Variants in MYRIP observed in about 807,000 individuals in gnomAD.
The protein encoded by MYRIP is myosin VIIA and Rab interacting protein, also known as rab effector MyRIP.
Under a neutral mutation model 98.0 loss-of-function variants are expected in MYRIP, and 49 were observed. The observed-to-expected ratio is 0.50, with a 90% CI of 0.40 to 0.63. The LOEUF is 0.63. Among genes scored for constraint, MYRIP ranks in the 30% least tolerant of loss-of-function variants. MYRIP has a pLI of 0.00. For synonymous variants in MYRIP, 404 were observed against 409.5 expected (o/e 0.99, Z 0.16); for missense variants, 1,004 against 1,058.2 (o/e 0.95, Z 0.71).
Position 40,085,732 on chromosome 3 carries a change from G to T in MYRIP, c.332+41461G>T, listed in dbSNP as rs548962512. On this transcript the variant is annotated intron_variant, in intron 3 of 16. Coordinates refer to ENST00000302541, the MANE Select transcript of MYRIP (RefSeq NM_015460.4). ...TCGAAAAAGCTTATAGTGTCCTCAAGAAGGAAGAAGAAAGGAAGGAAGGAA... is the reference window on the plus strand; with the variant it reads ...TCGAAAAAGCTTATAGTGTCCTCAATAAGGAAGAAGAAAGGAAGGAAGGAA... 1.9e-3 allele frequency among the ~76,000 whole-genome samples: 293 copies of T among 152,266 alleles called. 1 individual carries two copies. Among genetic ancestry groups the T allele is most frequent in the African/African-American group, 6.8e-3 (281 of 41,552 alleles).
In MYRIP at chr3:40,190,115, C is replaced by T; in HGVS notation, c.1317C>T (p.Ser439=). The stretch of plus-strand genomic sequence containing the variant: ...CTGACCAAGGCCCCATAGCTGCCTC[C>T]CCATCCTCTGCACTCTCCCCCAACC... The part of the protein sequence containing the change: ...QSSDQGPIAA[S]PSSALSPNPE... Residue 439 remains serine (S), a synonymous_variant, in exon 10 of 17, where the codon TCC becomes TCT. Coordinates refer to ENST00000302541, the MANE Select transcript of MYRIP (RefSeq NM_015460.4). 6.2e-7 allele frequency: 1 copy of T among 1,614,050 alleles called. No homozygotes were observed. Among genetic ancestry groups the T allele is most frequent in the Non-Finnish European group, 8.5e-7 (1 of 1,179,976 alleles).
At chr3:40,169,872 A>C (rs1408752434) in intron 7 of MYRIP, 78 bp from the exon 8 acceptor site, 2 of 1,579,090 alleles carry the variant, frequency 1.3e-6, no homozygotes, top group Non-Finnish European at 1.7e-6. Flanking sequence ...AAAAATTCCA[A>C]AGATGGTCCC....
intron 3 of MYRIP, among the ~76,000 whole-genome samples, chr3:40,083,950 A>G (rs1216474172): frequency 6.6e-6 from 1 of 151,944 alleles, no homozygotes; most frequent in Non-Finnish European, 1.5e-5. Context: ...ATCCTGGCTA[A>G]CACAGTGAAA....
At chr3:39,935,260 G>A (rs1944632348) in intron 2 of MYRIP, among the ~76,000 whole-genome samples, 1 of 152,154 alleles carries the variant, frequency 6.6e-6, no homozygotes, top group Admixed American at 6.5e-5. Context: ...AAGTGTGGGT[G>A]TGTTCAGGTG....
chr3:40,022,819 T>C (rs1368589071), intron 2 of MYRIP, among the ~76,000 whole-genome samples: 1 of 152,136 alleles, frequency 6.6e-6, no homozygotes, highest in African/African-American at 2.4e-5. Context: ...TTATGCTCTT[T>C]AGGAAAAAAT....
At chr3:39,812,437 T>C (rs1940727517) in intron 1 of MYRIP, among the ~76,000 whole-genome samples, 1 of 152,204 alleles carries the variant, frequency 6.6e-6, no homozygotes, top group Admixed American at 6.5e-5. Flanking sequence ...GACTTGGTTG[T>C]CCCACCACAC....
intron 3 of MYRIP, among the ~76,000 whole-genome samples, chr3:40,129,724 G>T (rs1170247023): frequency 6.6e-6 from 1 of 152,164 alleles, no homozygotes. Flanking sequence ...GTGTTGGGGA[G>T]GAAGGCCTGG....
intron 2 of MYRIP, among the ~76,000 whole-genome samples, chr3:39,983,379 T>A (rs1019377501): frequency 1.3e-5 from 2 of 152,240 alleles, no homozygotes; most frequent in Non-Finnish European, 2.9e-5. Flanking sequence ...ATTTGCTGTA[T>A]ACCATAATTT....
intron 3 of MYRIP, among the ~76,000 whole-genome samples, chr3:40,097,412 A>C (rs952382031): frequency 6.6e-5 from 10 of 152,138 alleles, no homozygotes; most frequent in Non-Finnish European, 1.2e-4. Context: ...GGCTTTCCAA[A>C]GAGTGAGTTC....
intron 2 of MYRIP, among the ~76,000 whole-genome samples, chr3:39,937,180 C>T (rs898445718): frequency 6.6e-6 from 1 of 152,184 alleles, no homozygotes; most frequent in Non-Finnish European, 1.5e-5. Flanking sequence ...CCATCCCCTG[C>T]CTTCCTATAG....
At chr3:40,051,825 C>T (rs1947801011) in intron 3 of MYRIP, among the ~76,000 whole-genome samples, 1 of 152,118 alleles carries the variant, frequency 6.6e-6, no homozygotes, top group Non-Finnish European at 1.5e-5. Flanking sequence ...ATTCACACAG[C>T]CCACATACCT....
chr3:39,999,323 A>G (rs1292652084), intron 2 of MYRIP, among the ~76,000 whole-genome samples: 1 of 152,218 alleles, frequency 6.6e-6, no homozygotes, highest in African/African-American at 2.4e-5. Context: ...AACTCAAACA[A>G]ATTTACAAGA....
chr3:40,143,367 CAGGGAG>C (rs1384938576), intron 3 of MYRIP, among the ~76,000 whole-genome samples: 47 of 152,278 alleles, frequency 3.1e-4, no homozygotes, highest in Admixed American at 3.0e-3. Flanking sequence ...GAGCATGGAC[CAGGGAG>C]CAGTACACTT....
intron 2 of MYRIP, among the ~76,000 whole-genome samples, chr3:39,965,923 A>G (rs1170673049): frequency 6.6e-6 from 1 of 152,192 alleles, no homozygotes; most frequent in African/African-American, 2.4e-5. Flanking sequence ...GTTTGATATC[A>G]GTTGAAACTA....
chr3:39,831,010 T>C lies in MYRIP; in HGVS notation c.-31+21094T>C, dbSNP rs544169616. On this transcript the variant is annotated intron_variant, in intron 1 of 16. Transcript: ENST00000302541. ...ATACAATGTCAATTCTTAGTACTCA[T>C]GATACTTAAAATTTTAGCAGCCTTC... is the stretch of plus-strand genomic sequence containing the variant. Among the ~76,000 whole-genome samples, 13 of 152,322 alleles carry C rather than the reference T, an allele frequency of 8.5e-5. No homozygotes were observed. In the East Asian group the frequency reaches 1.4e-3, roughly 16 times the overall value.
intron 2 of MYRIP, among the ~76,000 whole-genome samples, chr3:40,038,997 G>A (rs2125827043): frequency 6.6e-6 from 1 of 152,284 alleles, no homozygotes; most frequent in African/African-American, 2.4e-5. Flanking sequence ...CAGTGACAGG[G>A]CCAATGAAGG....
rs557550110 is a variant in MYRIP, at chr3:39,834,549, C to A, written c.-31+24633C>A. Among the ~76,000 whole-genome samples, 3 of 152,194 alleles carry A rather than the reference C, an allele frequency of 2.0e-5. No homozygotes were observed. The South Asian group carries it at 6.2e-4, about 32-fold the overall frequency. On this transcript the variant is annotated intron_variant, in intron 1 of 16. Transcript: ENST00000302541. ...TAAAGTTTAACTAAATTTTGTGTTT[C>A]ATTTTGTAGTTCATAGCAGTTGCCA...
chr3:39,933,384 G>A (rs964371379), intron 2 of MYRIP, among the ~76,000 whole-genome samples: 6 of 152,166 alleles, frequency 3.9e-5, no homozygotes, highest in Admixed American at 2.0e-4. Context: ...ACATCTGTTA[G>A]AATCACAAAA....
chr3:40,066,426 C>T (rs1352362778), intron 3 of MYRIP, among the ~76,000 whole-genome samples: 1 of 152,076 alleles, frequency 6.6e-6, no homozygotes, highest in Non-Finnish European at 1.5e-5. Flanking sequence ...TATGTGGCAT[C>T]CCCACTCCTG....
Sources: allele counts gnomAD v4.1 joint callset (sites outside exome capture counted in the v4.1 genomes callset), GRCh38; gene constraint gnomAD v4.1.1; transcripts MANE v1.5; gene names NCBI Gene and HGNC (gene_info 2026-07-23, HGNC 2026-07-21).